ZFHX3: variants seen among roughly 807,000 people sequenced by gnomAD.
ZFHX3 encodes zinc finger homeobox protein 3.
ZFHX3 carries 42 observed loss-of-function variants against 279.1 expected under a neutral mutation model. That is an observed-to-expected ratio of 0.15 (90% CI 0.12 to 0.19). ZFHX3 has a LOEUF of 0.19. Among genes scored for constraint, ZFHX3 ranks in the 10% least tolerant of loss-of-function variants. ZFHX3 has a pLI of 1.00. For missense variants in ZFHX3, 4,981 were observed against 4,754.0 expected (o/e 1.05, Z -1.40); for synonymous variants, 2,293 against 1,957.8 (o/e 1.17, Z -4.52).
intron 3 of ZFHX3, among the ~76,000 whole-genome samples, chr16:73,426,344 G>A (rs867056024): frequency 5.9e-5 from 9 of 152,188 alleles, no homozygotes; most frequent in Admixed American, 5.2e-4. Context: ...AAGGGTAGGG[G>A]GAGGTTTGAG....
intron 3 of ZFHX3, among the ~76,000 whole-genome samples, chr16:73,379,744 AG>A (rs1306815400): frequency 6.6e-6 from 1 of 152,192 alleles, no homozygotes; most frequent in Non-Finnish European, 1.5e-5. Context: ...TAAGGGACAA[AG>A]GGTGGAGTCT....
At chr16:73,194,973 C>T (rs1338341345) in intron 5 of ZFHX3, among the ~76,000 whole-genome samples, 2 of 152,184 alleles carry the variant, frequency 1.3e-5, no homozygotes, top group African/African-American at 2.4e-5. Flanking sequence ...TAATAGCAAA[C>T]ATACCCTTCG....
At chr16:73,430,386 T>C (rs2143513351) in intron 3 of ZFHX3, among the ~76,000 whole-genome samples, 1 of 152,278 alleles carries the variant, frequency 6.6e-6, no homozygotes, top group Middle Eastern at 3.4e-3. Flanking sequence ...TGGGTGTCCT[T>C]TATTTCCTCC....
chr16:73,258,405 A>G (rs1247771587), intron 4 of ZFHX3, among the ~76,000 whole-genome samples: 2 of 151,610 alleles, frequency 1.3e-5, no homozygotes, highest in East Asian at 3.9e-4. Context: ...GTTGGAGTGC[A>G]GTGGTGCAAT....
chr16:73,807,479 T>C (rs141324836), intron 1 of ZFHX3, among the ~76,000 whole-genome samples: 14 of 152,272 alleles, frequency 9.2e-5, no homozygotes, highest in African/African-American at 3.4e-4. Context: ...AAATGATCCA[T>C]GGTCTTGCTG....
At chr16:73,262,626 G>C (rs114082705) in intron 4 of ZFHX3, among the ~76,000 whole-genome samples, 2,087 of 152,266 alleles carry the variant, frequency 0.014, 55 homozygotes, top group African/African-American at 0.048. Flanking sequence ...TCAACCAGAA[G>C]CAGATTTGGC....
chr16:73,379,487 G>A (rs1045788793), intron 3 of ZFHX3, among the ~76,000 whole-genome samples: 2 of 152,118 alleles, frequency 1.3e-5, no homozygotes, highest in African/African-American at 2.4e-5. Flanking sequence ...TCCATAGGCA[G>A]GCTACCTAAC....
chr16:72,816,169 T>C (rs2036600955), intron 5 of ZFHX3, among the ~76,000 whole-genome samples: 1 of 152,240 alleles, frequency 6.6e-6, no homozygotes, highest in Non-Finnish European at 1.5e-5. Context: ...CATTTTATTT[T>C]TAATATTACA....
intron 2 of ZFHX3, among the ~76,000 whole-genome samples, chr16:73,525,561 C>G (rs747688771): frequency 3.7e-4 from 57 of 152,276 alleles, no homozygotes; most frequent in African/African-American, 8.2e-4. Flanking sequence ...ATTTCAGGTA[C>G]AGACAACATG....
rs1297191940 is a variant in ZFHX3 at position 73,731,982 on chromosome 16, G to A, written c.-1607-51742C>T. Reference sequence around the variant, plus strand: ...GTACCTGCTGATTTGTTAAAAATATGAACCCTACTTGGGGATTTCAGGCTT... The same window carrying A: ...GTACCTGCTGATTTGTTAAAAATATAAACCCTACTTGGGGATTTCAGGCTT... On this transcript the variant is annotated intron_variant, in intron 1 of 17. Transcript: ENST00000641206. Among the ~76,000 whole-genome samples, 3 of 152,158 alleles carry A rather than the reference G, an allele frequency of 2.0e-5. No individual in the cohort carries two copies. The East Asian group carries it at 5.8e-4, about 29-fold the overall frequency.
intron 1 of ZFHX3, among the ~76,000 whole-genome samples, chr16:73,844,478 A>T (rs1049236251): frequency 6.6e-6 from 1 of 152,198 alleles, no homozygotes; most frequent in Non-Finnish European, 1.5e-5. Flanking sequence ...TTCCTATGTG[A>T]CAGGAATTAT....
At chr16:73,498,271 AG>A in intron 2 of ZFHX3, among the ~76,000 whole-genome samples, 1 of 152,206 alleles carries the variant, frequency 6.6e-6, no homozygotes. Flanking sequence ...ACATGGATAG[AG>A]GTTAGAATGG....
intron 1 of ZFHX3, among the ~76,000 whole-genome samples, chr16:73,786,936 G>A (rs916709118): frequency 6.6e-6 from 1 of 152,100 alleles, no homozygotes; most frequent in African/African-American, 2.4e-5. Context: ...CTCAATTCTT[G>A]GTGTTGTCTT....
intron 4 of ZFHX3, among the ~76,000 whole-genome samples, chr16:72,885,104 G>A (rs377535031): frequency 7.2e-5 from 11 of 152,368 alleles, no homozygotes; most frequent in African/African-American, 2.4e-4. Flanking sequence ...GCAGGCTTGT[G>A]TGCTTGTGTC....
At chr16:73,210,724 T>C (rs889232221) in intron 5 of ZFHX3, among the ~76,000 whole-genome samples, 2 of 152,132 alleles carry the variant, frequency 1.3e-5, no homozygotes, top group Admixed American at 6.6e-5. Flanking sequence ...AGTGTCACAA[T>C]TAATCCTCTC....
chr16:73,156,696 T>C (rs994186236), intron 5 of ZFHX3, among the ~76,000 whole-genome samples: 2 of 151,230 alleles, frequency 1.3e-5, no homozygotes, highest in African/African-American at 4.9e-5. Flanking sequence ...GCTGGGACTA[T>C]AGGCACACAT....
At chr16:72,865,226 A>T (rs2143922023) in intron 4 of ZFHX3, among the ~76,000 whole-genome samples, 1 of 152,376 alleles carries the variant, frequency 6.6e-6, no homozygotes, top group South Asian at 2.1e-4. Context: ...GTGCCCAGGC[A>T]GGGCACAAGA....
chr16:73,331,537 G>C (rs568487136), intron 3 of ZFHX3, among the ~76,000 whole-genome samples: 60 of 152,190 alleles, frequency 3.9e-4, no homozygotes, highest in Non-Finnish European at 7.5e-4. Flanking sequence ...TATCTGGTCT[G>C]TGCAGAGAGT....
chr16:73,325,218 G>A (rs2015657910), intron 3 of ZFHX3, among the ~76,000 whole-genome samples: 1 of 152,122 alleles, frequency 6.6e-6, no homozygotes, highest in African/African-American at 2.4e-5. Context: ...TGGTTAATGT[G>A]AGGTCAGTTC....
Sources: allele counts gnomAD v4.1 joint callset (sites outside exome capture counted in the v4.1 genomes callset), GRCh38; gene constraint gnomAD v4.1.1; transcripts MANE v1.5; gene names NCBI Gene and HGNC (gene_info 2026-07-23, HGNC 2026-07-21).